CADM2: variants seen among roughly 807,000 people sequenced by gnomAD.
CADM2 encodes cell adhesion molecule 2.
Under a neutral mutation model 49.8 loss-of-function variants are expected in CADM2, and 12 were observed. The ratio of observed to expected loss-of-function variants is 0.24; its 90% CI spans 0.15 to 0.39. The LOEUF (loss-of-function observed/expected upper bound fraction) is 0.39, where lower values mean the gene tolerates loss of function less well. Among genes scored for constraint, CADM2 ranks in the 10% least tolerant of loss-of-function variants. The pLI is 1.00. For synonymous variants in CADM2, 214 were observed against 175.4 expected (o/e 1.22, Z -1.74); for missense variants, 378 against 492.3 (o/e 0.77, Z 2.20).
intron 8 of CADM2, among the ~76,000 whole-genome samples, chr3:86,047,026 G>A (rs543090094): frequency 4.7e-4 from 72 of 151,770 alleles, no homozygotes; most frequent in African/African-American, 1.5e-3. Flanking sequence ...ATCTAGTATC[G>A]TAATTTGCAA....
chr3:85,066,329 G>T (rs2036528325), intron 1 of CADM2, among the ~76,000 whole-genome samples: 1 of 151,532 alleles, frequency 6.6e-6, no homozygotes, highest in Admixed American at 6.6e-5. Flanking sequence ...AGACATGGTG[G>T]GTGGACCAAT....
chr3:86,031,995 G>A (rs1421523441), intron 8 of CADM2, among the ~76,000 whole-genome samples: 1 of 151,718 alleles, frequency 6.6e-6, no homozygotes, highest in Non-Finnish European at 1.5e-5. Flanking sequence ...TGGGGAGGAT[G>A]TTGACGGATC....
At chr3:85,079,442 T>G (rs1575821268) in intron 1 of CADM2, among the ~76,000 whole-genome samples, 1 of 151,982 alleles carries the variant, frequency 6.6e-6, no homozygotes, top group Non-Finnish European at 1.5e-5. Context: ...GTAGAAGGAT[T>G]ACCTAATATT....
At chr3:85,674,618 G>C (rs1322372668) in intron 1 of CADM2, among the ~76,000 whole-genome samples, 1 of 152,094 alleles carries the variant, frequency 6.6e-6, no homozygotes, top group African/African-American at 2.4e-5. Flanking sequence ...ACAGATGAAA[G>C]AAAAATCATT....
intron 3 of CADM2, among the ~76,000 whole-genome samples, chr3:85,811,674 T>C (rs2108128710): frequency 6.6e-6 from 1 of 152,306 alleles, no homozygotes; most frequent in South Asian, 2.1e-4. Context: ...CAACAATGAT[T>C]GCAATGACTT....
chr3:85,772,435 T>A (rs2070140712), intron 2 of CADM2, among the ~76,000 whole-genome samples: 1 of 152,074 alleles, frequency 6.6e-6, no homozygotes. Flanking sequence ...CTAAGTAGAA[T>A]TTATGGAATA....
intron 1 of CADM2, among the ~76,000 whole-genome samples, chr3:85,713,479 T>C (rs978808422): frequency 6.6e-6 from 1 of 152,052 alleles, no homozygotes; most frequent in African/African-American, 2.4e-5. Flanking sequence ...TACAAAGCAC[T>C]GGCTTTATCA....
chr3:85,936,993 G>C (rs1664806885), intron 7 of CADM2, among the ~76,000 whole-genome samples: 1 of 151,706 alleles, frequency 6.6e-6, no homozygotes, highest in Admixed American at 6.6e-5. Flanking sequence ...ATTAAACAAG[G>C]TGAAGTTAGG....
At chr3:85,558,529 C>A (rs2062016534) in intron 1 of CADM2, among the ~76,000 whole-genome samples, 1 of 151,858 alleles carries the variant, frequency 6.6e-6, no homozygotes, top group African/African-American at 2.4e-5. Flanking sequence ...TTGAACTCTG[C>A]AAAATGACAT....
chr3:85,009,734 C>T (rs9839708), intron 1 of CADM2, among the ~76,000 whole-genome samples: 58,343 of 151,450 alleles, frequency 0.39, 11,434 homozygotes, highest in Admixed American at 0.43. Context: ...GGTGTGGCAG[C>T]GTGCACCTGT....
At chr3:85,359,554 T>G (rs1248272610) in intron 1 of CADM2, among the ~76,000 whole-genome samples, 1 of 146,066 alleles carries the variant, frequency 6.8e-6, no homozygotes, top group African/African-American at 2.5e-5. Flanking sequence ...AACCCTGAAG[T>G]GATATTCATA....
At chr3:85,251,720 C>T (rs1261663859) in intron 1 of CADM2, among the ~76,000 whole-genome samples, 1 of 151,894 alleles carries the variant, frequency 6.6e-6, no homozygotes, top group Non-Finnish European at 1.5e-5. Flanking sequence ...ATAGATCATC[C>T]TATCACTGGC....
chr3:85,967,670 T>C (rs1269913544), intron 8 of CADM2, among the ~76,000 whole-genome samples: 3 of 151,540 alleles, frequency 2.0e-5, no homozygotes, highest in African/African-American at 4.8e-5. Flanking sequence ...AGTAAATGTG[T>C]AGCTAGGCCG....
intron 1 of CADM2, among the ~76,000 whole-genome samples, chr3:85,464,937 C>T (rs1022179054): frequency 1.4e-4 from 22 of 152,222 alleles, no homozygotes; most frequent in African/African-American, 5.1e-4. Flanking sequence ...ATCACAAGGT[C>T]AGCAGATCAA....
At chr3:85,792,111 G>A (rs547868550) in intron 2 of CADM2, among the ~76,000 whole-genome samples, 1 of 152,208 alleles carries the variant, frequency 6.6e-6, no homozygotes, top group East Asian at 1.9e-4. Context: ...GTTATAAGAG[G>A]ACCTTAATAT....
intron 2 of CADM2, among the ~76,000 whole-genome samples, chr3:85,785,066 G>A (rs983711680): frequency 1.3e-5 from 2 of 151,842 alleles, no homozygotes; most frequent in East Asian, 3.9e-4. Flanking sequence ...CCAATTTATT[G>A]GCATATAGTT....
intron 1 of CADM2, among the ~76,000 whole-genome samples, chr3:85,078,031 T>C (rs2037014933): frequency 6.6e-6 from 1 of 152,094 alleles, no homozygotes. Context: ...ATGTTTAGTT[T>C]TTAAATGCAG....
intron 1 of CADM2, among the ~76,000 whole-genome samples, chr3:84,994,209 C>T (rs774990411): frequency 6.6e-6 from 1 of 152,164 alleles, no homozygotes; most frequent in Non-Finnish European, 1.5e-5. Flanking sequence ...CCACTTCTGA[C>T]TCTCTAAGTT....
intron 1 of CADM2, among the ~76,000 whole-genome samples, chr3:85,340,246 G>T (rs2045203468): frequency 6.6e-6 from 1 of 151,354 alleles, no homozygotes; most frequent in Non-Finnish European, 1.5e-5. Context: ...AAATTGATTT[G>T]GCTAGAACTC....
Sources: allele counts gnomAD v4.1 joint callset (sites outside exome capture counted in the v4.1 genomes callset), GRCh38; gene constraint gnomAD v4.1.1; transcripts MANE v1.5; gene names NCBI Gene and HGNC (gene_info 2026-07-23, HGNC 2026-07-21).